Variants in CFHR5 observed in about 807,000 individuals in gnomAD.
CFHR5 encodes complement factor H-related protein 5.
A neutral mutation model predicts 62.9 loss-of-function variants in CFHR5; 73 were observed. The ratio of observed to expected loss-of-function variants is 1.16; its 90% CI spans 0.96 to 1.41. The LOEUF (loss-of-function observed/expected upper bound fraction) is 1.41. CFHR5 is among the 40% of genes most tolerant of loss of function. The pLI, the probability that CFHR5 is intolerant of heterozygous loss-of-function variation, is 0.00. For missense variants in CFHR5, 779 were observed against 679.9 expected (o/e 1.15, Z -1.62); for synonymous variants, 249 against 227.2 (o/e 1.10, Z -0.86).
intron 3 of CFHR5, among the ~76,000 whole-genome samples, chr1:196,992,101 C>T (rs10801584): frequency 0.18 from 26,651 of 152,142 alleles, 3,874 homozygotes; most frequent in East Asian, 0.69. Context: ...CATTGGCGGA[C>T]GCCCCTCCCC....
In CFHR5 at chr1:196,998,244, T is replaced by C; in HGVS notation, c.1087T>C (p.Phe363Leu). 6.2e-7 allele frequency: 1 copy of C among 1,611,156 alleles called. No individual in the cohort carries two copies. Among genetic ancestry groups the C allele is most frequent in the Non-Finnish European group, 8.5e-7 (1 of 1,178,268 alleles). Residue 363 changes from phenylalanine (F) to leucine (L), a missense_variant, in exon 7 of 10, where the codon TTC (phenylalanine) becomes CTC (leucine). Phe to Leu is a conservative substitution (Grantham distance 22, BLOSUM62 0). Coordinates refer to ENST00000256785, the MANE Select transcript of CFHR5 (RefSeq NM_030787.4). ...SRIRYRCSDI[F>L]RYRHSVCING... is the part of the protein sequence containing the mutation. ...AATACGTTACAGATGTTCAGACATCTTCAGATACAGGCACTCAGTCTGTAT... is the reference window on the plus strand; with the variant it reads ...AATACGTTACAGATGTTCAGACATCCTCAGATACAGGCACTCAGTCTGTAT...
Position 196,991,843 on chromosome 1 carries a change from C to T in CFHR5, c.431-2237C>T, listed in dbSNP as rs117062357. On this transcript the variant is annotated intron_variant, in intron 3 of 9. Transcript: ENST00000256785. ...TCTCCCAGTTAGGCTACACGTGGGA[C>T]GGGGACCCACTTGAGGAGGCAATCT... Among the ~76,000 whole-genome samples, 102 of 152,276 alleles carry T rather than the reference C, an allele frequency of 6.7e-4. No homozygotes were observed. The East Asian group carries it at 0.016, about 24-fold the overall frequency.
In CFHR5 at chr1:196,982,802, A is replaced by G. The variant is rs1571511929; in HGVS notation, c.59-83A>G. 3 of 1,321,872 alleles carry G rather than the reference A, an allele frequency of 2.3e-6. No individual in the cohort carries two copies. In the East Asian group the frequency reaches 7.0e-5, roughly 31 times the overall value. The allele number at this position is 1,321,872 out of a possible 1,614,324, so 81.9% of individuals were successfully genotyped here. On this transcript the variant is annotated intron_variant, in intron 1 of 9. Transcript: ENST00000256785. ...TAAGCTGAATGAAAAACAAAACTAT[A>G]AATGAGATGACTAAAATATAATCTA...
At chr1:196,986,410 C>T (rs546819362) in intron 3 of CFHR5, among the ~76,000 whole-genome samples, 15 of 151,898 alleles carry the variant, frequency 9.9e-5, no homozygotes, top group Admixed American at 3.3e-4. Flanking sequence ...AGGGTACATG[C>T]GCACAACATG....
intron 8 of CFHR5, 77 bp from the exon 9 acceptor site, chr1:197,004,584 A>G (rs1175802276): frequency 8.9e-7 from 1 of 1,127,530 alleles, no homozygotes; most frequent in Non-Finnish European, 1.4e-6. Context: ...TATATTAAAG[A>G]TATGATACAT....
intron 3 of CFHR5, among the ~76,000 whole-genome samples, chr1:196,986,892 G>C (rs1448434224): frequency 6.6e-6 from 1 of 152,144 alleles, no homozygotes; most frequent in Non-Finnish European, 1.5e-5. Context: ...CCAGTAATGA[G>C]ATCACTGGGT....
intron 3 of CFHR5, among the ~76,000 whole-genome samples, chr1:196,985,170 C>T (rs753976445): frequency 6.6e-6 from 1 of 151,872 alleles, no homozygotes; most frequent in Non-Finnish European, 1.5e-5. Flanking sequence ...GTTATGTTAT[C>T]AAATATTATT....
At chr1:196,983,919 T>G (rs912772838) in intron 2 of CFHR5, 42 bp from the exon 3 acceptor site, 17 of 1,386,204 alleles carry the variant, frequency 1.2e-5, no homozygotes, top group Non-Finnish European at 1.7e-5. Context: ...GCACTTTTTT[T>G]GCTACTTCCA....
chr1:196,995,287 T>C (rs1253051089), intron 4 of CFHR5, among the ~76,000 whole-genome samples: 2 of 152,144 alleles, frequency 1.3e-5, no homozygotes, highest in Non-Finnish European at 2.9e-5. Context: ...GATATAAGAT[T>C]GTACTAAGAA....
chr1:197,006,550 A>G (rs1217597352), intron 9 of CFHR5, among the ~76,000 whole-genome samples: 1 of 151,812 alleles, frequency 6.6e-6, no homozygotes, highest in Non-Finnish European at 1.5e-5. Context: ...CATCTCTACT[A>G]AAAATACAAA....
chr1:196,994,324 T>A (rs1653933393), intron 4 of CFHR5, 68 bp downstream of exon 4: 1 of 1,237,192 alleles, frequency 8.1e-7, no homozygotes, highest in Non-Finnish European at 1.2e-6. Context: ...TATATTTTTA[T>A]TGGAGCTTAT....
At chr1:196,976,868 G>T (rs535239290), upstream of CFHR5, among the ~76,000 whole-genome samples, 1 of 142,874 alleles carries the variant, frequency 7.0e-6, no homozygotes, top group Non-Finnish European at 1.5e-5. Flanking sequence ...GCAGTGGCGC[G>T]ATCTCCACTC....
At chr1:196,983,224 AC>A in intron 2 of CFHR5, 145 bp downstream of exon 2, 1 of 1,008,648 alleles carries the variant, frequency 9.9e-7, no homozygotes, top group Non-Finnish European at 1.5e-6. Context: ...CTATTTTGAG[AC>A]CCCTCCTATG....
chr1:196,998,062 C>T lies in CFHR5; in HGVS notation c.971-66C>T, dbSNP rs1654040615. 3 of 978,286 alleles carry T rather than the reference C, an allele frequency of 3.1e-6. No individual in the cohort carries two copies. The South Asian group carries it at 4.5e-5, about 15-fold the overall frequency. The allele number at this position is 978,286 out of a possible 1,614,324, so 60.6% of individuals were successfully genotyped here. On this transcript the variant is annotated intron_variant, in intron 6 of 9. Coordinates refer to ENST00000256785, the MANE Select transcript of CFHR5 (RefSeq NM_030787.4). ...CTTAAAAGCATCAAACATAATTATG[C>T]TATTAATATTGCAGATATTTTATTG... is the stretch of plus-strand genomic sequence containing the variant.
intron 3 of CFHR5, among the ~76,000 whole-genome samples, chr1:196,986,275 C>G (rs1653679229): frequency 6.6e-6 from 1 of 152,036 alleles, no homozygotes; most frequent in South Asian, 2.1e-4. Flanking sequence ...GGCGTCATCT[C>G]TGGGGGCCGT....
Position 196,984,222 on chromosome 1 carries a change from A to C in CFHR5, c.430+85A>C, listed in dbSNP as rs563747176. 6 of 1,127,948 alleles carry C rather than the reference A, an allele frequency of 5.3e-6. No individual in the cohort carries two copies. In the East Asian group the frequency reaches 1.3e-4, roughly 24 times the overall value. 69.9% of individuals were successfully genotyped at this position (1,127,948 alleles called of 1,614,324 possible). On this transcript the variant is annotated intron_variant, in intron 3 of 9. Transcript: ENST00000256785. ...TATAGATTAAATATAGGTTAAATAT[A>C]GGTTTCACCACTACTTCTATCATTA... is the stretch of plus-strand genomic sequence containing the variant.
chr1:196,989,495 T>C (rs1653783761), intron 3 of CFHR5, among the ~76,000 whole-genome samples: 1 of 152,188 alleles, frequency 6.6e-6, no homozygotes, highest in African/African-American at 2.4e-5. Flanking sequence ...CTTCTTTCTC[T>C]TGTGGTCATT....
chr1:197,006,289 AAAAC>A lies in CFHR5; in HGVS notation c.1513+1453_1513+1456del, dbSNP rs544623016. The stretch of plus-strand genomic sequence containing the variant: ...TAACAAACACAAACACACAATCACG[AAAAC>A]AAACAAGCAAAAAAACCCATCATAG... On this transcript the variant is annotated intron_variant, in intron 9 of 9. Coordinates refer to ENST00000256785, the MANE Select transcript of CFHR5 (RefSeq NM_030787.4). Among the ~76,000 whole-genome samples the A allele has an allele frequency of 3.5e-3, 531 of 152,300 alleles. 3 individuals are homozygous for A. Among genetic ancestry groups the A allele is most frequent in the Admixed American group, 7.2e-3 (110 of 15,300 alleles).
chr1:197,005,006 C>T (rs1405465993), intron 9 of CFHR5, among the ~76,000 whole-genome samples, 163 bp downstream of exon 9: 2 of 151,932 alleles, frequency 1.3e-5, no homozygotes, highest in African/African-American at 4.8e-5. Context: ...TTGCTTTATG[C>T]AAAGTGAGAA....
Sources: gnomAD v4.1 joint callset for allele counts (sites outside exome capture counted in the v4.1 genomes callset) on GRCh38, gnomAD v4.1.1 for gene constraint, MANE v1.5 for transcripts, NCBI Gene and HGNC (gene_info 2026-07-23, HGNC 2026-07-21) for gene names.